The following DLGAP2 variants were observed in gnomAD, a reference collection of about 807,000 sequenced individuals.
DLGAP2 encodes the protein DLG associated protein 2, also known as disks large-associated protein 2.
Under a neutral mutation model 100.3 loss-of-function variants are expected in DLGAP2, and 26 were observed. The observed-to-expected ratio is 0.26, with a 90% confidence interval of 0.19 to 0.36. DLGAP2 has a LOEUF of 0.36. Among genes scored for constraint, DLGAP2 ranks in the 10% least tolerant of loss-of-function variants. The probability of loss-of-function intolerance (pLI) is 1.00; values close to 1 mark genes in which losing one functional copy is unlikely to be tolerated. For missense variants in DLGAP2, 1,858 were observed against 1,453.2 expected (o/e 1.28, Z -4.53); for synonymous variants, 886 against 630.1 (o/e 1.41, Z -6.08).
rs145584534 is a variant in DLGAP2 at position 1,117,870 on chromosome 8, G to A, written c.74-140981G>A. The stretch of plus-strand genomic sequence containing the variant: ...CTGGTTCACAGTTAGGCTTTTGAAA[G>A]TTTTTTTTTTTCCTTTAAGAAAATC... On this transcript the variant is annotated intron_variant, in intron 2 of 14. Coordinates refer to ENST00000637795, the MANE Select transcript of DLGAP2 (RefSeq NM_001346810.2). 8.0e-3 allele frequency among the ~76,000 whole-genome samples: 1,188 copies of A among 148,312 alleles called. 4 individuals are homozygous for A. The highest frequency in any genetic ancestry group is 0.021 in the Middle Eastern group (6 of 284).
At chr8:1,489,010 C>T (rs955954752) in intron 3 of DLGAP2, among the ~76,000 whole-genome samples, 1 of 152,194 alleles carries the variant, frequency 6.6e-6, no homozygotes, top group Non-Finnish European at 1.5e-5. Context: ...TCGCATTCAG[C>T]TTAAATAATC....
intron 1 of DLGAP2, among the ~76,000 whole-genome samples, chr8:842,379 A>G (rs1796998894): frequency 6.6e-6 from 1 of 152,200 alleles, no homozygotes; most frequent in Non-Finnish European, 1.5e-5. Context: ...TAAAGATGTT[A>G]TTCTGTATTC....
chr8:800,308 A>G (rs986734889), intron 1 of DLGAP2, among the ~76,000 whole-genome samples: 1 of 152,220 alleles, frequency 6.6e-6, no homozygotes, highest in Non-Finnish European at 1.5e-5. Flanking sequence ...TAGAGGGCAA[A>G]TGCTGGAGAG....
chr8:1,165,800 A>G (rs922531943), intron 2 of DLGAP2, among the ~76,000 whole-genome samples: 121 of 151,624 alleles, frequency 8.0e-4, no homozygotes, highest in African/African-American at 2.7e-3. Context: ...GTTACTTTAA[A>G]TTTTCTTCTT....
chr8:1,227,976 C>T (rs960843649), intron 2 of DLGAP2, among the ~76,000 whole-genome samples: 9 of 151,824 alleles, frequency 5.9e-5, no homozygotes, highest in South Asian at 4.2e-4. Context: ...CTATAGTAAC[C>T]GTTTTACTAT....
chr8:842,706 A>G (rs1021167687), intron 1 of DLGAP2, among the ~76,000 whole-genome samples: 33 of 152,074 alleles, frequency 2.2e-4, no homozygotes, highest in African/African-American at 7.7e-4. Flanking sequence ...TGCCTGTCTA[A>G]TATTTGCAAC....
chr8:766,564 C>T (rs10099806), intron 1 of DLGAP2, among the ~76,000 whole-genome samples: 152,110 of 152,322 alleles, frequency 1, 75,949 homozygotes, highest in Non-Finnish European at 1. Context: ...TATTGGCTGT[C>T]GGAGTGAGAG....
At chr8:1,093,442 CAG>C (rs1804254200) in intron 2 of DLGAP2, among the ~76,000 whole-genome samples, 2 of 151,838 alleles carry the variant, frequency 1.3e-5, no homozygotes, top group East Asian at 1.9e-4. Flanking sequence ...GACAGTCAGA[CAG>C]AAACACTTTC....
At chr8:1,126,314 C>T (rs892781088) in intron 2 of DLGAP2, among the ~76,000 whole-genome samples, 7 of 151,202 alleles carry the variant, frequency 4.6e-5, no homozygotes, top group Admixed American at 3.3e-4. Flanking sequence ...TCCATGTAGC[C>T]AGAAACAGAA....
At chr8:880,712 A>T (rs1165453429) in intron 1 of DLGAP2, among the ~76,000 whole-genome samples, 1 of 141,480 alleles carries the variant, frequency 7.1e-6, no homozygotes, top group Non-Finnish European at 1.5e-5. Flanking sequence ...CCAGCCCTTG[A>T]CTGCGACATG....
chr8:1,130,286 A>G (rs1052915875), intron 2 of DLGAP2, among the ~76,000 whole-genome samples: 38 of 152,102 alleles, frequency 2.5e-4, no homozygotes, highest in African/African-American at 8.9e-4. Context: ...ATTGATGGGA[A>G]GTTTAGTGTT....
At chr8:1,039,490 C>G (rs1243966936) in intron 2 of DLGAP2, among the ~76,000 whole-genome samples, 1 of 140,380 alleles carries the variant, frequency 7.1e-6, no homozygotes, top group African/African-American at 2.7e-5. Flanking sequence ...CCGTGGTCGG[C>G]TCGGTGTGCA....
At chr8:1,691,658 T>C (rs746661479) in intron 13 of DLGAP2, 32 bp downstream of exon 13, 3 of 1,557,242 alleles carry the variant, frequency 1.9e-6, no homozygotes, top group Non-Finnish European at 2.6e-6. Context: ...CCCTGTTCCC[T>C]GTAACCAAGC....
intron 2 of DLGAP2, among the ~76,000 whole-genome samples, chr8:912,415 G>A (rs1477145250): frequency 1.3e-5 from 2 of 152,158 alleles, no homozygotes; most frequent in African/African-American, 4.8e-5. Flanking sequence ...TCAGGTCCCC[G>A]CAGCAATGTG....
intron 1 of DLGAP2, among the ~76,000 whole-genome samples, chr8:782,426 G>A (rs1821718391): frequency 6.6e-6 from 1 of 152,042 alleles, no homozygotes; most frequent in South Asian, 2.1e-4. Context: ...CATCAATTAT[G>A]AATACCTAAA....
rs116827797 is a variant in DLGAP2, at chr8:1,428,786, T to C, written c.107-72580T>C. Among the ~76,000 whole-genome samples the C allele has an allele frequency of 1.7e-3, 254 of 152,296 alleles. 2 individuals are homozygous for C. The highest frequency in any genetic ancestry group is 6.0e-3 in the African/African-American group (249 of 41,556). The stretch of plus-strand genomic sequence containing the variant: ...GAAGAGGCCATGTGGCTCATATCAG[T>C]GCATGTGCTGCACACCCACATGGGA... On this transcript the variant is annotated intron_variant, in intron 3 of 14. Transcript: ENST00000637795.
chr8:1,603,605 G>GTGGGGT (rs1563250695), intron 6 of DLGAP2, among the ~76,000 whole-genome samples: 5 of 150,386 alleles, frequency 3.3e-5, no homozygotes, highest in African/African-American at 1.2e-4. Context: ...TAGAGTGGAG[G>GTGGGGT]CTGGGTCTCA....
intron 3 of DLGAP2, among the ~76,000 whole-genome samples, chr8:1,303,369 C>T (rs1375404749): frequency 6.7e-6 from 1 of 148,364 alleles, no homozygotes; most frequent in African/African-American, 2.5e-5. Context: ...CGCACTCCAG[C>T]CTGGGCGACA....
intron 2 of DLGAP2, among the ~76,000 whole-genome samples, chr8:1,085,252 T>G (rs980821421): frequency 4.6e-5 from 7 of 152,228 alleles, no homozygotes; most frequent in African/African-American, 1.4e-4. Context: ...CTTACATATT[T>G]TGGATATTAA....
Sources: gnomAD v4.1 joint callset for allele counts (sites outside exome capture counted in the v4.1 genomes callset) on GRCh38, gnomAD v4.1.1 for gene constraint, MANE v1.5 for transcripts, NCBI Gene and HGNC (gene_info 2026-07-23, HGNC 2026-07-21) for gene names.